SORCS3: variants seen among roughly 807,000 people sequenced by gnomAD.
SORCS3 encodes VPS10 domain-containing receptor SorCS3.
Under a neutral mutation model 146.3 loss-of-function variants are expected in SORCS3, and 57 were observed. That is an observed-to-expected ratio of 0.39 (90% CI 0.31 to 0.49). The LOEUF (loss-of-function observed/expected upper bound fraction) is 0.49. SORCS3 is among the 20% of genes least tolerant of loss of function. The probability of loss-of-function intolerance (pLI) is 0.92; values close to 1 mark genes in which losing one functional copy is unlikely to be tolerated. For synonymous variants in SORCS3, 653 were observed against 618.5 expected, an observed-to-expected ratio of 1.06 and a Z score of -0.83; for missense variants, 1,341 against 1,575.5, an observed-to-expected ratio of 0.85 and a Z score of 2.52.
intron 6 of SORCS3, among the ~76,000 whole-genome samples, chr10:105,092,190 C>T (rs539881062): frequency 5.3e-5 from 8 of 152,230 alleles, no homozygotes; most frequent in Middle Eastern, 3.4e-3. Flanking sequence ...GCAGGACTTC[C>T]GTGAAATTTT....
intron 6 of SORCS3, among the ~76,000 whole-genome samples, chr10:105,104,249 A>G (rs2055806217): frequency 6.6e-6 from 1 of 152,238 alleles, no homozygotes; most frequent in Non-Finnish European, 1.5e-5. Context: ...TTTTAATCTT[A>G]AAGTGATTTC....
intron 4 of SORCS3, among the ~76,000 whole-genome samples, chr10:105,014,092 T>C (rs1270803239): frequency 7.2e-6 from 1 of 138,086 alleles, no homozygotes; most frequent in Admixed American, 7.2e-5. Context: ...TACACACATA[T>C]ATATACATAT....
chr10:104,783,887 AC>A (rs2017402715), intron 1 of SORCS3, among the ~76,000 whole-genome samples: 1 of 152,178 alleles, frequency 6.6e-6, no homozygotes. Context: ...ATTTTGCCTT[AC>A]ACAAGTGTTT....
intron 1 of SORCS3, among the ~76,000 whole-genome samples, chr10:104,689,718 T>G (rs1350940997): frequency 1.3e-5 from 2 of 152,210 alleles, no homozygotes; most frequent in Non-Finnish European, 2.9e-5. Context: ...GCAGGGCAGG[T>G]GGCTTATCAG....
At chr10:105,024,240 A>G (rs935832071) in intron 4 of SORCS3, among the ~76,000 whole-genome samples, 1 of 152,186 alleles carries the variant, frequency 6.6e-6, no homozygotes, top group African/African-American at 2.4e-5. Flanking sequence ...AGTAAATTCC[A>G]TGGACCCTAC....
chr10:104,768,535 A>G (rs1427638529), intron 1 of SORCS3, among the ~76,000 whole-genome samples: 1 of 152,060 alleles, frequency 6.6e-6, no homozygotes, highest in African/African-American at 2.4e-5. Flanking sequence ...AAGCAAAAAG[A>G]TTTTTTTCTG....
At chr10:104,850,551 T>A (rs1019018833) in intron 2 of SORCS3, among the ~76,000 whole-genome samples, 1 of 152,146 alleles carries the variant, frequency 6.6e-6, no homozygotes, top group Non-Finnish European at 1.5e-5. Flanking sequence ...GCTACTGCAC[T>A]CCAACCTGGG....
chr10:105,009,427 G>A (rs1191576291), intron 4 of SORCS3, among the ~76,000 whole-genome samples: 1 of 151,070 alleles, frequency 6.6e-6, no homozygotes, highest in Admixed American at 6.6e-5. Flanking sequence ...TTTAGTTGGG[G>A]AGAAAAGGTA....
intron 22 of SORCS3, among the ~76,000 whole-genome samples, chr10:105,251,944 G>T (rs1399424906): frequency 1.3e-5 from 2 of 152,094 alleles, no homozygotes; most frequent in Admixed American, 6.5e-5. Flanking sequence ...AAATAGATTG[G>T]AATGCAGCTA....
chr10:105,065,289 C>T (rs7098093), intron 5 of SORCS3, among the ~76,000 whole-genome samples: 5,610 of 152,162 alleles, frequency 0.037, 344 homozygotes, highest in African/African-American at 0.13. Flanking sequence ...AAACTGGGTG[C>T]TGGTTCACAA....
At chr10:105,160,720 G>A (rs1384471040) in intron 11 of SORCS3, among the ~76,000 whole-genome samples, 1 of 152,186 alleles carries the variant, frequency 6.6e-6, no homozygotes, top group Non-Finnish European at 1.5e-5. Flanking sequence ...TAATGTTATA[G>A]AAGTTAAAAC....
chr10:104,746,346 C>T (rs1042995731), intron 1 of SORCS3, among the ~76,000 whole-genome samples: 1 of 152,108 alleles, frequency 6.6e-6, no homozygotes, highest in Non-Finnish European at 1.5e-5. Context: ...CCATGTTAGC[C>T]AGGATGGTCT....
At chr10:104,840,181 T>G (rs1410429833) in intron 1 of SORCS3, among the ~76,000 whole-genome samples, 1 of 152,010 alleles carries the variant, frequency 6.6e-6, no homozygotes, top group African/African-American at 2.4e-5. Flanking sequence ...CTGAGAGGCA[T>G]GTTCTCATGG....
chr10:104,896,530 C>T (rs949402836), intron 2 of SORCS3, among the ~76,000 whole-genome samples: 3 of 152,152 alleles, frequency 2.0e-5, no homozygotes, highest in Admixed American at 1.3e-4. Flanking sequence ...GTTGGTGCTG[C>T]AAGGTCAGTG....
chr10:104,742,009 A>T (rs575867433), intron 1 of SORCS3, among the ~76,000 whole-genome samples: 4 of 151,818 alleles, frequency 2.6e-5, no homozygotes, highest in South Asian at 4.2e-4. Context: ...GTGTTTTTTT[A>T]AAAAATTGTA....
intron 4 of SORCS3, among the ~76,000 whole-genome samples, chr10:105,005,587 G>A (rs57944259): frequency 0.16 from 24,189 of 151,946 alleles, 2,155 homozygotes; most frequent in African/African-American, 0.23. Context: ...ATGGAACACC[G>A]TTCTCCTTTA....
At chr10:105,180,455 A>G (rs911605225) in intron 14 of SORCS3, among the ~76,000 whole-genome samples, 1 of 152,254 alleles carries the variant, frequency 6.6e-6, no homozygotes, top group African/African-American at 2.4e-5. Context: ...GGCAAAGGAA[A>G]GAACACAAAC....
intron 4 of SORCS3, among the ~76,000 whole-genome samples, chr10:104,991,814 C>T (rs575179320): frequency 9.9e-5 from 15 of 152,226 alleles, no homozygotes; most frequent in South Asian, 4.2e-4. Context: ...CCTCTTCTTA[C>T]GTGAACATTG....
At chr10:104,888,199 C>T (rs1163096139) in intron 2 of SORCS3, among the ~76,000 whole-genome samples, 1 of 152,148 alleles carries the variant, frequency 6.6e-6, no homozygotes, top group Non-Finnish European at 1.5e-5. Context: ...AACAGTTAAC[C>T]TCTTTTAAAC....
Sources: allele counts gnomAD v4.1 joint callset (sites outside exome capture counted in the v4.1 genomes callset), GRCh38; gene constraint gnomAD v4.1.1; transcripts MANE v1.5; gene names NCBI Gene and HGNC (gene_info 2026-07-23, HGNC 2026-07-21).